Variants in MCMBP observed in about 807,000 individuals in gnomAD.
MCMBP encodes minichromosome maintenance complex binding protein.
MCMBP carries 31 observed loss-of-function variants against 81.3 expected under a neutral mutation model. The ratio of observed to expected loss-of-function variants is 0.38; its 90% CI spans 0.29 to 0.51. MCMBP has a LOEUF of 0.51. Among genes scored for constraint, MCMBP ranks in the 20% least tolerant of loss-of-function variants. MCMBP has a pLI of 0.87. For missense variants in MCMBP, 645 were observed against 772.1 expected (o/e 0.84, Z 1.95); for synonymous variants, 267 against 275.9 (o/e 0.97, Z 0.32).
At chr10:119,860,654 T>C (rs1853223257) in intron 1 of MCMBP, among the ~76,000 whole-genome samples, 1 of 152,242 alleles carries the variant, frequency 6.6e-6, no homozygotes, top group African/African-American at 2.4e-5. Flanking sequence ...ATCAGATCTC[T>C]TTAATCTCCT....
chr10:119,862,363 T>TC (rs1161469836), intron 1 of MCMBP, among the ~76,000 whole-genome samples: 1 of 152,088 alleles, frequency 6.6e-6, no homozygotes, highest in Admixed American at 6.6e-5. Context: ...GACACTGGAT[T>TC]CCTCCAGACT....
At chr10:119,840,522 A>G (rs1200491988) in intron 11 of MCMBP, among the ~76,000 whole-genome samples, 1 of 152,254 alleles carries the variant, frequency 6.6e-6, no homozygotes, top group East Asian at 1.9e-4. Flanking sequence ...CCTACAATTT[A>G]GAGTTTATTT....
Position 119,845,757 on chromosome 10 carries a change from T to C in MCMBP, c.827+1856A>G, listed in dbSNP as rs764206289. 3.9e-5 allele frequency among the ~76,000 whole-genome samples: 6 copies of C among 152,218 alleles called. 1 individual carries two copies. The highest frequency in any genetic ancestry group is 8.8e-5 in the Non-Finnish European group (6 of 68,040). ...AATGTATTGAACTCTAATTACTAGG[T>C]TTCTGTTTTGTAGTGGTATGGGTTA... On this transcript the variant is annotated intron_variant, in intron 8 of 15. Coordinates refer to ENST00000369077, the MANE Select transcript of MCMBP (RefSeq NM_001256378.2).
At chr10:119,865,504 T>C (rs1019698994) in intron 1 of MCMBP, among the ~76,000 whole-genome samples, 6 of 152,114 alleles carry the variant, frequency 3.9e-5, no homozygotes, top group Non-Finnish European at 8.8e-5. Context: ...GGCAGGAGAA[T>C]TGCTTGAACC....
Position 119,831,204 on chromosome 10 carries a change from T to C in MCMBP, c.*270A>G, listed in dbSNP as rs1345529233. ...ATGGTACAATCAGCAACATTATCAA[T>C]ATTAAACTTTTAATATCAAATACTT... On this transcript the variant is annotated 3_prime_UTR_variant, in exon 16 of 16. Transcript: ENST00000369077. The C allele has an allele frequency of 4.7e-6, 1 of 210,796 alleles. No homozygotes were observed. The highest frequency in any genetic ancestry group is 9.4e-6 in the Non-Finnish European group (1 of 106,578). The allele number at this position is 210,796 out of a possible 1,614,324, so 13.1% of individuals were successfully genotyped here.
At chr10:119,833,259 C>A (rs1852112333) in intron 14 of MCMBP, among the ~76,000 whole-genome samples, 1 of 152,104 alleles carries the variant, frequency 6.6e-6, no homozygotes, top group Non-Finnish European at 1.5e-5. Flanking sequence ...AACCTACCAA[C>A]AGTAACAAAC....
At position 119,832,075 on chromosome 10, in the gene MCMBP, A is replaced by G. The variant is rs780773593; in HGVS notation, c.1733T>C (p.Met578Thr). The change falls in exon 15 of 16, where the codon ATG (methionine) becomes ACG (threonine). Residue 578 changes from methionine (M) to threonine (T), a missense_variant. Met to Thr is a moderately conservative substitution (Grantham distance 81, BLOSUM62 -1). Coordinates refer to ENST00000369077, the MANE Select transcript of MCMBP (RefSeq NM_001256378.2). ...TKAVEDDFVE[M>T]RKNDPQSITA... is the part of the protein sequence containing the mutation. ...GATGCTCTGAGGGTCGTTCTTCCGC[A>G]TTTCCACAAAGTCATCTTCAACTGC... 1 of 1,613,164 alleles carries G rather than the reference A, an allele frequency of 6.2e-7. No individual in the cohort carries two copies. Among genetic ancestry groups the G allele is most frequent in the African/African-American group, 1.3e-5 (1 of 74,980 alleles).
chr10:119,856,632 A>T (rs1480663994), intron 5 of MCMBP, among the ~76,000 whole-genome samples: 1 of 152,186 alleles, frequency 6.6e-6, no homozygotes, highest in Non-Finnish European at 1.5e-5. Flanking sequence ...GTTTATCCAA[A>T]TCACTGTGCA....
intron 8 of MCMBP, among the ~76,000 whole-genome samples, chr10:119,844,370 A>T (rs1259984422): frequency 1.3e-5 from 2 of 152,202 alleles, no homozygotes; most frequent in Non-Finnish European, 2.9e-5. Flanking sequence ...ATACTCCTGT[A>T]TTTTTTAATA....
intron 5 of MCMBP, among the ~76,000 whole-genome samples, chr10:119,855,974 C>T (rs549594537): frequency 5.0e-4 from 76 of 152,142 alleles, no homozygotes; most frequent in Non-Finnish European, 9.6e-4. Context: ...CCTGTAATCC[C>T]AGCACTTTGA....
intron 1 of MCMBP, among the ~76,000 whole-genome samples, chr10:119,872,036 T>A (rs950432497): frequency 6.6e-6 from 1 of 152,104 alleles, no homozygotes; most frequent in Non-Finnish European, 1.5e-5. Flanking sequence ...AGAATGAGGG[T>A]AGCACAGGAG....
intron 11 of MCMBP, among the ~76,000 whole-genome samples, chr10:119,840,180 G>A (rs1852385289): frequency 6.6e-6 from 1 of 152,166 alleles, no homozygotes; most frequent in Non-Finnish European, 1.5e-5. Flanking sequence ...TTTTCAGAGT[G>A]TAAAGTGAGT....
rs765565574 is a variant in MCMBP, at chr10:119,843,414, T to C, written c.840A>G (p.Ala280=). 3 of 1,613,664 alleles carry C rather than the reference T, an allele frequency of 1.9e-6. No homozygotes were observed. The highest frequency in any genetic ancestry group is 2.2e-5 in the South Asian group (2 of 91,046). The change falls in exon 9 of 16, where the codon GCA becomes GCG. Residue 280 remains alanine (A), a synonymous_variant. Coordinates refer to ENST00000369077, the MANE Select transcript of MCMBP (RefSeq NM_001256378.2). Reference sequence around the variant, plus strand: ...CTGTGCACTCCATCGGATCCAGCAGTGCAGAGGCATCCCTGTGGAGAGGTG... The same window carrying C: ...CTGTGCACTCCATCGGATCCAGCAGCGCAGAGGCATCCCTGTGGAGAGGTG... ...ILNNDERDAS[A]LLDPMECTDT...
At chr10:119,832,778 T>G (rs1310295301) in intron 14 of MCMBP, among the ~76,000 whole-genome samples, 1 of 152,124 alleles carries the variant, frequency 6.6e-6, no homozygotes, top group Middle Eastern at 3.2e-3. Context: ...CCCAGGGCAT[T>G]TATCAAAAAC....
rs772699484 is a variant in MCMBP at position 119,847,730 on chromosome 10, T to C, written c.727-17A>G. On this transcript the variant is annotated splice_polypyrimidine_tract_variant and intron_variant, in intron 7 of 15. Coordinates refer to ENST00000369077, the MANE Select transcript of MCMBP (RefSeq NM_001256378.2). ...TTCATAAACCTAACAAGAGACCACA[T>C]GAAATCACACTGTTAGAACAGACAC... 10 of 1,440,654 alleles carry C rather than the reference T, an allele frequency of 6.9e-6. No homozygotes were observed. The highest frequency in any genetic ancestry group is 1.7e-5 in the Admixed American group (1 of 59,356). The allele number at this position is 1,440,654 out of a possible 1,614,324, so 89.2% of individuals were successfully genotyped here.
In MCMBP at chr10:119,831,271, A is replaced by ACTT; in HGVS notation, c.*200_*202dup. ...AATTTATATAATTATTATAAAACAA[A>ACTT]CTTCAAAAGCTCCATGAAATCAGTA... On this transcript the variant is annotated 3_prime_UTR_variant, in exon 16 of 16. Transcript: ENST00000369077. 2.7e-6 allele frequency: 1 copy of ACTT among 377,146 alleles called. No individual in the cohort carries two copies. The highest frequency in any genetic ancestry group is 4.6e-6 in the Non-Finnish European group (1 of 215,848). 23.4% of individuals were successfully genotyped at this position (377,146 alleles called of 1,614,324 possible).
At chr10:119,848,133 A>G (rs189872714) in intron 7 of MCMBP, among the ~76,000 whole-genome samples, 72 of 152,018 alleles carry the variant, frequency 4.7e-4, no homozygotes, top group African/African-American at 1.7e-3. Flanking sequence ...GATTAACACA[A>G]AACTTGGAAT....
At chr10:119,843,058 T>C (rs1852492299) in intron 9 of MCMBP, 196 bp downstream of exon 9, 1 of 603,608 alleles carries the variant, frequency 1.7e-6, no homozygotes, top group Non-Finnish European at 2.9e-6. Flanking sequence ...CAGCCTTGTA[T>C]ACTCTTTTGT....
chr10:119,843,520 G>A, intron 8 of MCMBP, 94 bp from the exon 9 acceptor site: 1 of 1,237,496 alleles, frequency 8.1e-7, no homozygotes, highest in Non-Finnish European at 1.1e-6. Flanking sequence ...TAGAGTTAAA[G>A]CCAAGAATAT....
Sources: gnomAD v4.1 joint callset for allele counts (sites outside exome capture counted in the v4.1 genomes callset) on GRCh38, gnomAD v4.1.1 for gene constraint, MANE v1.5 for transcripts, NCBI Gene and HGNC (gene_info 2026-07-23, HGNC 2026-07-21) for gene names.